The following TRHDE variants were observed in gnomAD, a reference collection of about 807,000 sequenced individuals.
The protein encoded by TRHDE is thyrotropin-releasing hormone-degrading ectoenzyme.
TRHDE carries 72 observed loss-of-function variants against 125.7 expected under a neutral mutation model. That is an observed-to-expected ratio of 0.57 (90% confidence interval 0.47 to 0.70). TRHDE has a LOEUF of 0.70. Ranked by LOEUF, TRHDE falls within the 30% of genes least tolerant of loss-of-function variation. The pLI, the probability that TRHDE is intolerant of heterozygous loss-of-function variation, is 0.00. For missense variants in TRHDE, 1,110 were observed against 1,327.1 expected (o/e 0.84, Z 2.54); for synonymous variants, 509 against 509.1 (o/e 1.00, Z 0.00).
intron 12 of TRHDE, among the ~76,000 whole-genome samples, chr12:72,604,633 T>TA (rs2136062990): frequency 6.6e-6 from 1 of 152,184 alleles, no homozygotes; most frequent in South Asian, 2.1e-4. Context: ...ATTCTTAAAC[T>TA]AATATAATTC....
intron 2 of TRHDE, among the ~76,000 whole-genome samples, chr12:72,345,727 C>T (rs751092260): frequency 6.6e-6 from 1 of 151,782 alleles, no homozygotes; most frequent in Non-Finnish European, 1.5e-5. Context: ...GTGTGGGCTC[C>T]CGGTGGGCAT....
chr12:72,631,643 T>C (rs1353998283), intron 15 of TRHDE, among the ~76,000 whole-genome samples: 2 of 151,986 alleles, frequency 1.3e-5, no homozygotes, highest in East Asian at 1.9e-4. Context: ...TTTTTTAATA[T>C]GATGAATCAA....
At chr12:72,340,806 T>C (rs1406587913) in intron 2 of TRHDE, among the ~76,000 whole-genome samples, 2 of 152,078 alleles carry the variant, frequency 1.3e-5, no homozygotes, top group African/African-American at 2.4e-5. Flanking sequence ...GGTCACACGG[T>C]GTAGAATGGT....
In TRHDE at chr12:72,552,739, C is replaced by G. The variant is rs191531284; in HGVS notation, c.1789-9426C>G. ...GTGAATGGGAATGTGGAAATGGAAA[C>G]AGAGTATGTAGAATAAAATTAAACA... On this transcript the variant is annotated intron_variant, in intron 7 of 18. Transcript: ENST00000261180. Among the ~76,000 whole-genome samples, 23 of 152,148 alleles carry G rather than the reference C, an allele frequency of 1.5e-4. No homozygotes were observed. In the East Asian group the frequency reaches 3.9e-3, roughly 26 times the overall value.
At chr12:72,318,873 G>A (rs532442760) in intron 2 of TRHDE, among the ~76,000 whole-genome samples, 2 of 152,108 alleles carry the variant, frequency 1.3e-5, no homozygotes, top group African/African-American at 2.4e-5. Context: ...TTACTCTATC[G>A]GACTGGGGGA....
intron 2 of TRHDE, among the ~76,000 whole-genome samples, chr12:72,325,485 T>C (rs932283608): frequency 6.6e-6 from 1 of 152,126 alleles, no homozygotes; most frequent in African/African-American, 2.4e-5. Context: ...GTAACTGGAA[T>C]TTGATGTTTT....
intron 7 of TRHDE, among the ~76,000 whole-genome samples, chr12:72,553,134 G>A (rs1869754096): frequency 6.6e-6 from 1 of 152,126 alleles, no homozygotes; most frequent in Non-Finnish European, 1.5e-5. Context: ...AATTCAAAGA[G>A]TAGAAAGGTA....
At chr12:72,608,316 T>G (rs907046222) in intron 12 of TRHDE, among the ~76,000 whole-genome samples, 4 of 152,216 alleles carry the variant, frequency 2.6e-5, no homozygotes, top group Non-Finnish European at 5.9e-5. Flanking sequence ...TTTCTTTGTT[T>G]GAAGCATTTT....
chr12:72,603,597 C>T (rs534787135), intron 12 of TRHDE, among the ~76,000 whole-genome samples: 42 of 152,022 alleles, frequency 2.8e-4, no homozygotes, highest in Middle Eastern at 3.4e-3. Flanking sequence ...TGGTGGCAGG[C>T]GCCTGTAGTC....
At chr12:72,476,029 G>T (rs921520788) in intron 5 of TRHDE, among the ~76,000 whole-genome samples, 2 of 152,046 alleles carry the variant, frequency 1.3e-5, no homozygotes, top group African/African-American at 4.8e-5. Flanking sequence ...TGATCCTCAT[G>T]CCTCAGCCTC....
In TRHDE at chr12:72,575,343, A is replaced by G. The variant is rs1870940792; in HGVS notation, c.2220A>G (p.Leu740=). The change falls in exon 11 of 19, where the codon CTA becomes CTG. Residue 740 remains leucine, a synonymous_variant. Coordinates refer to ENST00000261180, the MANE Select transcript of TRHDE (RefSeq NM_013381.3). ...GCTATTTTAGAGTCAACTATGACCTAAGGAACTGGAGATTATTAATTGATC... is the reference window on the plus strand; with the variant it reads ...GCTATTTTAGAGTCAACTATGACCTGAGGAACTGGAGATTATTAATTGATC... ...QTGYFRVNYD[L]RNWRLLIDQL... is the part of the protein sequence containing the mutation. 6.2e-7 allele frequency: 1 copy of G among 1,613,634 alleles called. No individual in the cohort carries two copies. Among genetic ancestry groups the G allele is most frequent in the African/African-American group, 1.3e-5 (1 of 75,010 alleles).
At chr12:72,640,327 C>G (rs1050252351) in intron 15 of TRHDE, among the ~76,000 whole-genome samples, 19 of 152,248 alleles carry the variant, frequency 1.2e-4, no homozygotes, top group African/African-American at 4.3e-4. Context: ...ACCCCCTGCG[C>G]TTCCCGAGTG....
intron 12 of TRHDE, chr12:72,582,291 G>A: frequency 1.0e-6 from 1 of 984,250 alleles, no homozygotes; most frequent in Non-Finnish European, 1.2e-6. Context: ...AAATATAATG[G>A]CTAAAGAAGA....
chr12:72,405,138 C>T (rs1873212579), intron 3 of TRHDE, among the ~76,000 whole-genome samples: 1 of 152,132 alleles, frequency 6.6e-6, no homozygotes, highest in Admixed American at 6.5e-5. Context: ...TTATCATTAG[C>T]TGTTTTTACA....
chr12:72,480,054 G>A lies in TRHDE; in HGVS notation c.1584+6874G>A, dbSNP rs113086231. The stretch of plus-strand genomic sequence containing the variant: ...ATATGTGCCACATTTTCTTAATCCA[G>A]TCTATCATTGTTGGACATTTGGGTT... On this transcript the variant is annotated intron_variant, in intron 5 of 18. Transcript: ENST00000261180. 3.5e-3 allele frequency among the ~76,000 whole-genome samples: 523 copies of A among 150,154 alleles called. 1 individual carries two copies. The highest frequency in any genetic ancestry group is 0.012 in the African/African-American group (493 of 40,772).
chr12:72,162,653 AAAGTGGATT>A (rs1261612110), intron 2 of TRHDE, among the ~76,000 whole-genome samples: 1 of 152,196 alleles, frequency 6.6e-6, no homozygotes. Context: ...TAAACTAGTT[AAAGTGGATT>A]CTGTTGTGTG....
chr12:72,659,669 T>G (rs2136115678), intron 18 of TRHDE, among the ~76,000 whole-genome samples: 1 of 152,168 alleles, frequency 6.6e-6, no homozygotes, highest in South Asian at 2.1e-4. Flanking sequence ...AATAGAAAAA[T>G]TAACAAACAT....
intron 3 of TRHDE, among the ~76,000 whole-genome samples, chr12:72,449,549 C>T (rs1875470442): frequency 6.6e-6 from 1 of 151,808 alleles, no homozygotes; most frequent in Non-Finnish European, 1.5e-5. Flanking sequence ...AGATAGATGG[C>T]TTAGGCATGC....
At chr12:72,120,869 G>A (rs1004607443) in intron 2 of TRHDE, among the ~76,000 whole-genome samples, 1 of 151,446 alleles carries the variant, frequency 6.6e-6, no homozygotes, top group African/African-American at 2.4e-5. Context: ...TAGTAGAGAC[G>A]GGGTTTCACC....
Sources: allele counts gnomAD v4.1 joint callset (sites outside exome capture counted in the v4.1 genomes callset), GRCh38; gene constraint gnomAD v4.1.1; transcripts MANE v1.5; gene names NCBI Gene and HGNC (gene_info 2026-07-23, HGNC 2026-07-21).